The following TTC7A variants were observed in gnomAD, a reference collection of about 807,000 sequenced individuals.
TTC7A encodes tetratricopeptide repeat domain 7A, also known as tetratricopeptide repeat protein 7A.
A neutral mutation model predicts 103.7 loss-of-function variants in TTC7A; 110 were observed. The observed-to-expected ratio is 1.06, with a 90% CI of 0.91 to 1.24. The LOEUF is 1.24. TTC7A is among the 50% of genes most tolerant of loss of function. The probability of loss-of-function intolerance (pLI) is 0.00; values close to 1 mark genes in which losing one functional copy is unlikely to be tolerated. For missense variants in TTC7A, 1,340 were observed against 1,116.3 expected, an observed-to-expected ratio of 1.20 and a Z score of -2.86; for synonymous variants, 521 against 467.9, an observed-to-expected ratio of 1.11 and a Z score of -1.47.
chr2:46,975,431 C>T (rs1673781637), intron 4 of TTC7A, among the ~76,000 whole-genome samples: 1 of 151,964 alleles, frequency 6.6e-6, no homozygotes, highest in African/African-American at 2.4e-5. Context: ...AGTTGGACAT[C>T]CTTCCCTGCT....
chr2:46,989,813 T>C lies in TTC7A; in HGVS notation c.765-3637T>C, dbSNP rs1473079441. 3.2e-5 allele frequency among the ~76,000 whole-genome samples: 3 copies of C among 93,128 alleles called. No individual in the cohort carries two copies. In the South Asian group the frequency reaches 9.9e-4, roughly 31 times the overall value. 61.1% of individuals were successfully genotyped at this position (93,128 alleles called of 152,430 possible). A position where few individuals can be genotyped will look rare whatever the true frequency, so the allele number is the denominator to read the frequency against. ...TTCTTTAATTGCGTGTGTGTGTGTG[T>C]GTGCATCTGTGTGTGTGTGTGTGTG... is the stretch of plus-strand genomic sequence containing the variant. On this transcript the variant is annotated intron_variant, in intron 5 of 19. Coordinates refer to ENST00000319190, the MANE Select transcript of TTC7A (RefSeq NM_020458.4).
rs538059770 is a variant in TTC7A at position 46,922,258 on chromosome 2, G to C, written c.82+4981G>C. ...TTAGGCCTATACCATTTCCTCCTCAGAATTTCTCAGCACTTACTCATGGTT... is the reference window on the plus strand; with the variant it reads ...TTAGGCCTATACCATTTCCTCCTCACAATTTCTCAGCACTTACTCATGGTT... On this transcript the variant is annotated intron_variant, in intron 2 of 20. Coordinates refer to the TTC7A transcript ENST00000409245. Among the ~76,000 whole-genome samples, 12 of 152,292 alleles carry C rather than the reference G, an allele frequency of 7.9e-5. No homozygotes were observed. In the South Asian group the frequency reaches 2.3e-3, roughly 29 times the overall value.
intron 2 of TTC7A, among the ~76,000 whole-genome samples, chr2:46,918,347 C>T (rs1160451734): frequency 2.6e-5 from 4 of 152,208 alleles, no homozygotes; most frequent in Non-Finnish European, 5.9e-5. Context: ...GAGTCTTTGA[C>T]TTCTTTCCAC....
chr2:47,053,174 G>T (rs1489805920), intron 18 of TTC7A, among the ~76,000 whole-genome samples: 2 of 151,902 alleles, frequency 1.3e-5, no homozygotes. Context: ...GGATGCTGGG[G>T]GTGGGCGGAG....
intron 2 of TTC7A, among the ~76,000 whole-genome samples, chr2:46,953,047 G>T (rs550549064): frequency 6.6e-6 from 1 of 152,264 alleles, no homozygotes; most frequent in Non-Finnish European, 1.5e-5. Context: ...ACCATATTTT[G>T]TTAAACAAAG....
chr2:47,070,273 C>G (rs980713272), intron 19 of TTC7A, among the ~76,000 whole-genome samples: 3 of 152,266 alleles, frequency 2.0e-5, no homozygotes, highest in African/African-American at 7.2e-5. Flanking sequence ...CACAGGGAGG[C>G]TCCCCACTGA....
intron 3 of TTC7A, chr2:46,958,572 C>T (rs771825964): frequency 7.5e-5 from 98 of 1,299,658 alleles, no homozygotes; most frequent in Admixed American, 7.3e-4. Flanking sequence ...CGGGCGCTGC[C>T]GGCGCGGGCT....
chr2:47,002,428 A>C (rs1381537931), intron 8 of TTC7A, among the ~76,000 whole-genome samples: 1 of 152,240 alleles, frequency 6.6e-6, no homozygotes, highest in African/African-American at 2.4e-5. Flanking sequence ...CACATCTGTT[A>C]CTGCATTTGA....
At chr2:47,037,084 C>CTT (rs1171156035) in intron 15 of TTC7A, among the ~76,000 whole-genome samples, 1 of 152,202 alleles carries the variant, frequency 6.6e-6, no homozygotes, top group Non-Finnish European at 1.5e-5. Context: ...CACTATAGGC[C>CTT]TTTGTCTGCC....
chr2:47,065,033 A>G (rs1030914204), intron 19 of TTC7A, among the ~76,000 whole-genome samples: 19 of 152,340 alleles, frequency 1.2e-4, no homozygotes, highest in African/African-American at 4.6e-4. Flanking sequence ...CACGCCTGTA[A>G]TCCCAGCAGT....
intron 19 of TTC7A, among the ~76,000 whole-genome samples, chr2:47,072,489 A>G (rs188638319): frequency 6.6e-6 from 1 of 152,356 alleles, no homozygotes; most frequent in Admixed American, 6.5e-5. Flanking sequence ...GAAACCAGGC[A>G]TGCGCATCTT....
In TTC7A at chr2:47,023,503, C is replaced by T. The variant is rs370610326; in HGVS notation, c.1568+38C>T. 20 of 1,606,442 alleles carry T rather than the reference C, an allele frequency of 1.2e-5. No homozygotes were observed. In the East Asian group the frequency reaches 3.8e-4, roughly 30 times the overall value. On this transcript the variant is annotated intron_variant, in intron 13 of 19. Coordinates refer to ENST00000319190, the MANE Select transcript of TTC7A (RefSeq NM_020458.4). ...CCACCTGCAGCAGAGGCCCCTCTTG[C>T]CTTTGGTGGCAGATTCACAAGCTTT...
chr2:47,005,999 C>T lies in TTC7A; in HGVS notation c.1143C>T (p.Ala381=), dbSNP rs1677333979. The change falls in exon 9 of 20, where the codon GCC becomes GCT. Residue 381 remains alanine (A), a synonymous_variant. Transcript: ENST00000319190. ...CAGTGAGCTTGCAGAATGCCGCAGC[C>T]ATCTATGACCTCCTGAGCATCACGT... is the stretch of plus-strand genomic sequence containing the variant. The part of the protein sequence containing the change: ...DRTVSLQNAA[A]IYDLLSITLG... 3 of 1,613,862 alleles carry T rather than the reference C, an allele frequency of 1.9e-6. No individual in the cohort carries two copies. The highest frequency in any genetic ancestry group is 2.5e-6 in the Non-Finnish European group (3 of 1,180,004).
intron 2 of TTC7A, among the ~76,000 whole-genome samples, chr2:46,919,102 T>A (rs1180488524): frequency 6.6e-6 from 1 of 152,244 alleles, no homozygotes; most frequent in East Asian, 1.9e-4. Context: ...TTTACCTATG[T>A]AGGGGATTCC....
chr2:47,031,648 C>T (rs1351295954), intron 15 of TTC7A, among the ~76,000 whole-genome samples: 2 of 152,202 alleles, frequency 1.3e-5, no homozygotes, highest in South Asian at 2.1e-4. Flanking sequence ...GGCGGGAGCA[C>T]CGCTGCTCTG....
intron 17 of TTC7A, chr2:47,050,800 G>C (rs1682795730): frequency 6.6e-6 from 1 of 152,232 alleles, no homozygotes. Flanking sequence ...AGGGAGGGGA[G>C]AATGGTAGCT....
chr2:46,928,139 A>G (rs929012178), intron 2 of TTC7A, among the ~76,000 whole-genome samples: 9 of 151,218 alleles, frequency 6.0e-5, no homozygotes, highest in Non-Finnish European at 1.0e-4. Flanking sequence ...TGATCTGCCC[A>G]CCTTAACCTC....
chr2:47,065,041 A>C (rs1404409941), intron 19 of TTC7A, among the ~76,000 whole-genome samples: 1 of 152,196 alleles, frequency 6.6e-6, no homozygotes, highest in Non-Finnish European at 1.5e-5. Context: ...TAATCCCAGC[A>C]GTTTGGGAGG....
intron 18 of TTC7A, chr2:47,054,264 C>T: frequency 1.5e-6 from 1 of 664,900 alleles, no homozygotes. Context: ...TAACAGTTTA[C>T]AGTTTACAGA....
Sources: gnomAD v4.1 joint callset for allele counts (sites outside exome capture counted in the v4.1 genomes callset) on GRCh38, gnomAD v4.1.1 for gene constraint, MANE v1.5 for transcripts, NCBI Gene and HGNC (gene_info 2026-07-23, HGNC 2026-07-21) for gene names.